ACSL6: variants seen among roughly 807,000 people sequenced by gnomAD.
ACSL6 encodes acyl-CoA synthetase long chain family member 6.
A neutral mutation model predicts 98.2 loss-of-function variants in ACSL6; 47 were observed. That is an observed-to-expected ratio of 0.48 (90% confidence interval 0.38 to 0.61). The LOEUF (loss-of-function observed/expected upper bound fraction) is 0.61, where lower values mean the gene tolerates loss of function less well. Ranked by LOEUF, ACSL6 falls within the 20% of genes least tolerant of loss-of-function variation. The pLI, the probability that ACSL6 is intolerant of heterozygous loss-of-function variation, is 0.00. For missense variants in ACSL6, 761 were observed against 913.4 expected, an observed-to-expected ratio of 0.83 and a Z score of 2.15; for synonymous variants, 362 against 336.9, an observed-to-expected ratio of 1.07 and a Z score of -0.82.
chr5:132,001,327 A>C (rs1250110088), intron 1 of ACSL6, among the ~76,000 whole-genome samples: 3 of 152,174 alleles, frequency 2.0e-5, no homozygotes, highest in Non-Finnish European at 4.4e-5. Context: ...TGACCTGCAG[A>C]GGTGCAAACA....
intron 2 of ACSL6, chr5:131,993,796 C>CTG: frequency 1.9e-6 from 1 of 536,110 alleles, no homozygotes; most frequent in Non-Finnish European, 3.4e-6. Flanking sequence ...AACTAGAGGC[C>CTG]CAGTGCAAGG....
intron 9 of ACSL6, among the ~76,000 whole-genome samples, chr5:131,979,083 T>C (rs780163542): frequency 5.3e-5 from 8 of 152,236 alleles, no homozygotes; most frequent in Non-Finnish European, 1.2e-4. Context: ...TCTAATTTTA[T>C]CTCTGCCTAT....
At position 131,972,755 on chromosome 5, in the gene ACSL6, A is replaced by G. The variant is rs1753378781; in HGVS notation, c.1307T>C (p.Ile436Thr). ...VRSGIIRNDSIWDELFFNKIQ... is the reference protein window; with the variant it reads ...VRSGIIRNDSTWDELFFNKIQ... ...CTTATTAAAGAAGAGTTCATCCCAG[A>G]TACTATCATTCCTGATGATTCCACT... The change falls in exon 13 of 21, where the codon ATC (isoleucine) becomes ACC (threonine). Residue 436 changes from isoleucine to threonine, a missense_variant. Ile to Thr is a moderately conservative substitution (Grantham distance 89). Coordinates refer to ENST00000651883, the MANE Select transcript of ACSL6 (RefSeq NM_001009185.3). The G allele has an allele frequency of 6.2e-7, 1 of 1,614,214 alleles. No homozygotes were observed. Among genetic ancestry groups the G allele is most frequent in the Non-Finnish European group, 8.5e-7 (1 of 1,180,044 alleles).
intron 20 of ACSL6, among the ~76,000 whole-genome samples, chr5:131,958,882 A>G (rs1182469154): frequency 6.6e-6 from 1 of 152,188 alleles, no homozygotes; most frequent in Non-Finnish European, 1.5e-5. Context: ...TTTTAAATAT[A>G]AGGAAATTTT....
rs375706829 is a variant in ACSL6 at position 131,972,790 on chromosome 5, G to A, written c.1272C>T (p.Ala424=). The A allele has an allele frequency of 2.2e-5, 36 of 1,614,020 alleles. No individual in the cohort carries two copies. The highest frequency in any genetic ancestry group is 9.9e-5 in the South Asian group (9 of 91,086). The change falls in exon 13 of 21, where the codon GCC becomes GCT. Residue 424 remains alanine, a synonymous_variant. Transcript: ENST00000651883. ...LLEFAAKRKQ[A]EVRSGIIRND... ...TCCTGATGATTCCACTCCGGACCTC[G>A]GCTTGCTTACGCTTTGCTGCAAACT...
intron 16 of ACSL6, 97 bp downstream of exon 16, chr5:131,967,843 A>T: frequency 9.0e-7 from 1 of 1,111,636 alleles, no homozygotes; most frequent in Non-Finnish European, 1.3e-6. Context: ...ATGACTTTAT[A>T]CACAAGGCAA....
intron 17 of ACSL6, among the ~76,000 whole-genome samples, chr5:131,964,799 T>G (rs1002798076): frequency 1.3e-5 from 2 of 152,220 alleles, no homozygotes; most frequent in Admixed American, 6.5e-5. Context: ...TCAGTTGGAA[T>G]TAGTTGCTTC....
At chr5:131,975,199 G>C (rs1753552655) in intron 10 of ACSL6, 2 of 1,388,722 alleles carry the variant, frequency 1.4e-6, no homozygotes, top group Non-Finnish European at 1.9e-6. Flanking sequence ...AGAGAGACAG[G>C]GCAGCATAGG....
intron 1 of ACSL6, among the ~76,000 whole-genome samples, chr5:132,007,192 A>G (rs1195864041): frequency 6.6e-6 from 1 of 152,180 alleles, no homozygotes; most frequent in Non-Finnish European, 1.5e-5. Context: ...GGTCATCCAC[A>G]TGCCCAGTTC....
intron 1 of ACSL6, chr5:132,006,846 C>T (rs1443408438): frequency 6.6e-6 from 1 of 152,134 alleles, no homozygotes; most frequent in East Asian, 1.9e-4. Flanking sequence ...TGAAGGGTAA[C>T]CTGGCCCTGC....
At chr5:131,987,536 C>T (rs1220046837) in intron 7 of ACSL6, among the ~76,000 whole-genome samples, 1 of 152,164 alleles carries the variant, frequency 6.6e-6, no homozygotes. Flanking sequence ...CTGGGCAGGG[C>T]CTGAGGCCTT....
chr5:132,000,881 G>A lies in ACSL6; in HGVS notation c.50-6630C>T, dbSNP rs115873515. Reference sequence around the variant, plus strand: ...TTTGCCCAATTGCCTGGCAAGTCTAGAGCCCACAGGCTTGCAACACCTTCC... The same window carrying A: ...TTTGCCCAATTGCCTGGCAAGTCTAAAGCCCACAGGCTTGCAACACCTTCC... On this transcript the variant is annotated intron_variant, in intron 1 of 20. Coordinates refer to ENST00000651883, the MANE Select transcript of ACSL6 (RefSeq NM_001009185.3). 6.7e-3 allele frequency among the ~76,000 whole-genome samples: 1,026 copies of A among 152,260 alleles called. 14 individuals are homozygous for A. The highest frequency in any genetic ancestry group is 0.022 in the African/African-American group (912 of 41,540).
At chr5:132,006,792 T>C (rs1755432503) in intron 1 of ACSL6, 1 of 152,204 alleles carries the variant, frequency 6.6e-6, no homozygotes, top group Non-Finnish European at 1.5e-5. Context: ...AGCACCTCCT[T>C]CTATTCCAGG....
chr5:132,000,716 C>T (rs541209521), intron 1 of ACSL6, among the ~76,000 whole-genome samples: 120 of 152,264 alleles, frequency 7.9e-4, no homozygotes, highest in African/African-American at 2.7e-3. Flanking sequence ...CACCCCCAGG[C>T]CCTACCCACA....
intron 1 of ACSL6, among the ~76,000 whole-genome samples, chr5:131,996,162 GT>G (rs1029372276): frequency 1.5e-4 from 23 of 152,238 alleles, no homozygotes; most frequent in Non-Finnish European, 3.1e-4. Context: ...TGGAAATCCA[GT>G]TTTAACAGAA....
In ACSL6 at chr5:132,008,037, G is replaced by A. The variant is rs78480013; in HGVS notation, c.49+3468C>T. Among the ~76,000 whole-genome samples the A allele has an allele frequency of 8.0e-3, 1,218 of 152,276 alleles. 39 individuals are homozygous for A. Among genetic ancestry groups the A allele is most frequent in the East Asian group, 0.04 (206 of 5,180 alleles). On this transcript the variant is annotated intron_variant, in intron 1 of 20. Coordinates refer to ENST00000651883, the MANE Select transcript of ACSL6 (RefSeq NM_001009185.3). Reference sequence around the variant, plus strand: ...TGGGTTCTGCTGCCCCCTGGTGTCAGTATGTTCTTACCATATAGGCTGGAG... The same window carrying A: ...TGGGTTCTGCTGCCCCCTGGTGTCAATATGTTCTTACCATATAGGCTGGAG...
intron 1 of ACSL6, among the ~76,000 whole-genome samples, chr5:131,998,148 G>A (rs1404090096): frequency 6.6e-6 from 1 of 152,164 alleles, no homozygotes; most frequent in Non-Finnish European, 1.5e-5. Flanking sequence ...TACCCCAAGA[G>A]ACTCTCTTGG....
In ACSL6 at chr5:131,953,091, G is replaced by A. The variant is rs1300009772; in HGVS notation, c.*1143C>T. The A allele has an allele frequency of 5.0e-6, 1 of 201,728 alleles. No individual in the cohort carries two copies. Among genetic ancestry groups the A allele is most frequent in the Non-Finnish European group, 1.0e-5 (1 of 98,356 alleles). The allele number at this position is 201,728 out of a possible 1,614,324, so 12.5% of individuals were successfully genotyped here. The stretch of plus-strand genomic sequence containing the variant: ...TGCCTACCCTGAGAAATAACTCTGA[G>A]TTTCTTCTCCCAAGTATTCCTCAAG... On this transcript the variant is annotated 3_prime_UTR_variant, in exon 21 of 21. Coordinates refer to ENST00000651883, the MANE Select transcript of ACSL6 (RefSeq NM_001009185.3).
intron 11 of ACSL6, 101 bp from the exon 12 acceptor site, chr5:131,973,501 G>GA: frequency 8.0e-7 from 1 of 1,251,170 alleles, no homozygotes; most frequent in African/African-American, 1.5e-5. Flanking sequence ...GGGCACCCAT[G>GA]ACCCCCTGAC....
Sources: gnomAD v4.1 joint callset for allele counts (sites outside exome capture counted in the v4.1 genomes callset) on GRCh38, gnomAD v4.1.1 for gene constraint, MANE v1.5 for transcripts, NCBI Gene and HGNC (gene_info 2026-07-23, HGNC 2026-07-21) for gene names.